Variants in SLC35F3 observed in about 807,000 individuals in gnomAD.
SLC35F3 encodes putative thiamine transporter SLC35F3.
SLC35F3 carries 25 observed loss-of-function variants against 49.9 expected under a neutral mutation model. That is an observed-to-expected ratio of 0.50 (90% CI 0.37 to 0.70). The LOEUF (loss-of-function observed/expected upper bound fraction) is 0.70, where lower values mean the gene tolerates loss of function less well. Ranked by LOEUF, SLC35F3 falls within the 30% of genes least tolerant of loss-of-function variation. The probability of loss-of-function intolerance (pLI) is 0.00; values close to 1 mark genes in which losing one functional copy is unlikely to be tolerated. For synonymous variants in SLC35F3, 275 were observed against 265.4 expected (o/e 1.04, Z -0.35); for missense variants, 525 against 639.8 (o/e 0.82, Z 1.94).
At chr1:234,253,050 G>A (rs1667762505) in intron 3 of SLC35F3, among the ~76,000 whole-genome samples, 1 of 152,190 alleles carries the variant, frequency 6.6e-6, no homozygotes, top group African/African-American at 2.4e-5. Flanking sequence ...AGCTGGCCAG[G>A]CGCAGTGGCT....
At chr1:234,066,528 C>T (rs879608379) in intron 2 of SLC35F3, among the ~76,000 whole-genome samples, 4 of 152,202 alleles carry the variant, frequency 2.6e-5, no homozygotes, top group Non-Finnish European at 4.4e-5. Context: ...AATGGGAGGA[C>T]GCCAGGAAGG....
In SLC35F3 at chr1:234,320,265, C is replaced by A; in HGVS notation, c.1237+78C>A. The A allele has an allele frequency of 3.1e-6, 3 of 971,860 alleles. No homozygotes were observed. Among genetic ancestry groups the A allele is most frequent in the South Asian group, 1.3e-5 (1 of 76,844 alleles). The allele number at this position is 971,860 out of a possible 1,614,324, so 60.2% of individuals were successfully genotyped here. A position where few individuals can be genotyped will look rare whatever the true frequency, so the allele number is the denominator to read the frequency against. On this transcript the variant is annotated intron_variant, in intron 7 of 7. Transcript: ENST00000366618. This position sits in a 1 kb window ranked among gnomAD's most constrained non-coding sequence, Gnocchi z 4.8. Reference sequence around the variant, plus strand: ...CTACTCACACACACATACACACACTCATGCATACATACACACTCACACATA... The same window carrying A: ...CTACTCACACACACATACACACACTAATGCATACATACACACTCACACATA...
chr1:233,930,502 G>A (rs1052999872), intron 2 of SLC35F3, among the ~76,000 whole-genome samples: 5 of 152,148 alleles, frequency 3.3e-5, no homozygotes, highest in African/African-American at 1.2e-4. Flanking sequence ...GGTTCTCAGA[G>A]TGCCATTGAA....
At chr1:234,077,505 GA>G (rs1273211214) in intron 2 of SLC35F3, among the ~76,000 whole-genome samples, 1 of 152,160 alleles carries the variant, frequency 6.6e-6, no homozygotes, top group Admixed American at 6.5e-5. Flanking sequence ...CAGCATGGGG[GA>G]AACCACCCCC....
At chr1:234,043,145 C>T (rs553952399) in intron 2 of SLC35F3, among the ~76,000 whole-genome samples, 1 of 152,276 alleles carries the variant, frequency 6.6e-6, no homozygotes, top group Non-Finnish European at 1.5e-5. Flanking sequence ...CTATCCCTAC[C>T]TCCAGCCCCA....
chr1:234,143,350 G>T (rs377647436), intron 2 of SLC35F3, among the ~76,000 whole-genome samples: 2 of 148,640 alleles, frequency 1.3e-5, no homozygotes, highest in African/African-American at 2.5e-5. Flanking sequence ...GTGCAGTGGC[G>T]TGATTTTGGC....
intron 2 of SLC35F3, among the ~76,000 whole-genome samples, chr1:234,105,646 A>C (rs1471854863): frequency 1.3e-5 from 2 of 152,136 alleles, no homozygotes; most frequent in Non-Finnish European, 2.9e-5. Context: ...ACAGTAACTG[A>C]ATGGAATCAT....
chr1:233,925,892 T>A lies in SLC35F3; in HGVS notation c.283+20134T>A, dbSNP rs1044762992. ...GATTTTATTTCTCCTTCACTTATGA[T>A]GCTTAGTTTGGCTGGATATGAAATT... On this transcript the variant is annotated intron_variant, in intron 2 of 7. Coordinates refer to ENST00000366618, the MANE Select transcript of SLC35F3 (RefSeq NM_173508.4). Among the ~76,000 whole-genome samples the A allele has an allele frequency of 1.4e-4, 22 of 152,280 alleles. No individual in the cohort carries two copies. The South Asian group carries it at 1.4e-3, about 10-fold the overall frequency.
chr1:233,956,932 G>A (rs1457092247), intron 2 of SLC35F3, among the ~76,000 whole-genome samples: 1 of 152,202 alleles, frequency 6.6e-6, no homozygotes, highest in African/African-American at 2.4e-5. Context: ...AAAGGATAGG[G>A]GTAGAGGCCA....
At chr1:234,321,492 C>T (rs189979321) in intron 7 of SLC35F3, among the ~76,000 whole-genome samples, 1 of 152,354 alleles carries the variant, frequency 6.6e-6, no homozygotes, top group Admixed American at 6.5e-5. Flanking sequence ...CCAGATGCTG[C>T]AGGCTTCTGA....
chr1:234,209,820 T>A (rs1481106560), intron 2 of SLC35F3, among the ~76,000 whole-genome samples: 1 of 152,008 alleles, frequency 6.6e-6, no homozygotes, highest in Non-Finnish European at 1.5e-5. Context: ...TATCAAAAAC[T>A]CCTGGGGTAA....
chr1:234,043,048 C>T (rs1051228350), intron 2 of SLC35F3, among the ~76,000 whole-genome samples: 2 of 152,118 alleles, frequency 1.3e-5, no homozygotes, highest in Non-Finnish European at 1.5e-5. Flanking sequence ...ATGATGTAAC[C>T]ACCATCTAGT....
In SLC35F3 at chr1:234,296,433, T is replaced by G. The variant is rs79012780; in HGVS notation, c.609-12668T>G. On this transcript the variant is annotated intron_variant, in intron 3 of 7. Coordinates refer to ENST00000366618, the MANE Select transcript of SLC35F3 (RefSeq NM_173508.4). Reference sequence around the variant, plus strand: ...AATGGACTCTTTAGAATAGGAAGAGTGGTTTCTGATATGGAGAGGCTGTTT... The same window carrying G: ...AATGGACTCTTTAGAATAGGAAGAGGGGTTTCTGATATGGAGAGGCTGTTT... Among the ~76,000 whole-genome samples the G allele has an allele frequency of 4.3e-3, 647 of 152,020 alleles. 4 individuals are homozygous for G. Among genetic ancestry groups the G allele is most frequent in the African/African-American group, 0.014 (569 of 41,454 alleles).
chr1:233,948,176 C>A (rs536087107), intron 2 of SLC35F3, among the ~76,000 whole-genome samples: 1 of 141,574 alleles, frequency 7.1e-6, no homozygotes, highest in African/African-American at 2.6e-5. Context: ...CTCCCTGGAA[C>A]GGTAAGAGGG....
At chr1:234,077,398 C>A (rs1302569743) in intron 2 of SLC35F3, among the ~76,000 whole-genome samples, 1 of 152,148 alleles carries the variant, frequency 6.6e-6, no homozygotes. Context: ...AGCAAGGCAC[C>A]TTTTTCACAA....
intron 2 of SLC35F3, among the ~76,000 whole-genome samples, chr1:233,993,024 C>T: frequency 6.6e-6 from 1 of 152,174 alleles, no homozygotes; most frequent in East Asian, 1.9e-4. Context: ...CTTGAAATGC[C>T]CGTGCCTTGC....
At chr1:234,251,745 A>G (rs1667741414) in intron 3 of SLC35F3, among the ~76,000 whole-genome samples, 1 of 152,206 alleles carries the variant, frequency 6.6e-6, no homozygotes, top group African/African-American at 2.4e-5. Context: ...CTCAGTAATT[A>G]AAGCAATGTG....
At chr1:233,906,758 TA>T (rs112487922) in intron 2 of SLC35F3, among the ~76,000 whole-genome samples, 10 of 151,126 alleles carry the variant, frequency 6.6e-5, no homozygotes, top group Middle Eastern at 3.4e-3. Context: ...TATTCATCAC[TA>T]AAAAAAAATG....
chr1:233,907,332 A>G (rs1356971864), intron 2 of SLC35F3, among the ~76,000 whole-genome samples: 1 of 152,152 alleles, frequency 6.6e-6, no homozygotes, highest in Non-Finnish European at 1.5e-5. Context: ...AAGGTTTGTG[A>G]TTTGGGGGCT....
Sources: gnomAD v4.1 joint callset for allele counts (sites outside exome capture counted in the v4.1 genomes callset) on GRCh38, gnomAD v4.1.1 for gene constraint, Gnocchi (gnomAD v3.1) non-coding constraint, MANE v1.5 for transcripts, NCBI Gene and HGNC (gene_info 2026-07-23, HGNC 2026-07-21) for gene names.